Variants in ISM1 observed in about 807,000 individuals in gnomAD.
The protein encoded by ISM1 is isthmin 1.
A neutral mutation model predicts 46.3 loss-of-function variants in ISM1; 25 were observed. The ratio of observed to expected loss-of-function variants is 0.54; its 90% CI spans 0.39 to 0.75. The LOEUF (loss-of-function observed/expected upper bound fraction) is 0.75, where lower values mean the gene tolerates loss of function less well. Ranked by LOEUF, ISM1 falls within the 30% of genes least tolerant of loss-of-function variation. The pLI is 0.00. For synonymous variants in ISM1, 255 were observed against 256.7 expected (o/e 0.99, Z 0.06); for missense variants, 536 against 625.4 (o/e 0.86, Z 1.52).
chr20:13,232,433 T>C (rs1183396383), intron 1 of ISM1, among the ~76,000 whole-genome samples: 1 of 152,260 alleles, frequency 6.6e-6, no homozygotes, highest in East Asian at 1.9e-4. Context: ...GGCTTTTTGC[T>C]CATGTTGAGA....
At chr20:13,222,590 T>C (rs2039464182) in intron 1 of ISM1, among the ~76,000 whole-genome samples, 1 of 152,078 alleles carries the variant, frequency 6.6e-6, no homozygotes, top group Non-Finnish European at 1.5e-5. Context: ...GCTTTTAAAC[T>C]TGTAGCAAAG....
chr20:13,269,909 T>G (rs2040090834), intron 1 of ISM1, among the ~76,000 whole-genome samples: 1 of 149,438 alleles, frequency 6.7e-6, no homozygotes, highest in South Asian at 2.2e-4. Context: ...CATTTGATGA[T>G]TGGATGGATG....
the ISM1 span, among the ~76,000 whole-genome samples, chr20:13,321,723 C>T: frequency 9.2e-5 from 14 of 152,322 alleles, no homozygotes; most frequent in African/African-American, 1.4e-4. Context: ...CATATAAATA[C>T]ATAACTATTT....
chr20:13,275,873 G>T (rs566765832), intron 2 of ISM1, among the ~76,000 whole-genome samples: 1 of 152,264 alleles, frequency 6.6e-6, no homozygotes, highest in Admixed American at 6.5e-5. Flanking sequence ...TGTTTACCTC[G>T]GGACCTTGAA....
At chr20:13,318,729 A>G in the ISM1 span, among the ~76,000 whole-genome samples, 2 of 152,216 alleles carry the variant, frequency 1.3e-5, no homozygotes, top group Admixed American at 6.5e-5. Context: ...AGCCATGAGA[A>G]AATATTTTTT....
In ISM1 at chr20:13,288,673, A is replaced by G; in HGVS notation, c.777A>G (p.Pro259=). ...CAGAATCGAGGACCTGTGACCGTCC[A>G]AACTGCCCAGGTGCGTTTACCTGAG... The part of the protein sequence containing the change: ...TATESRTCDR[P]NCPGIEDTFR... Residue 259 remains proline (P), a synonymous_variant, in exon 4 of 6, where the codon CCA becomes CCG. Coordinates refer to ENST00000262487, the MANE Select transcript of ISM1 (RefSeq NM_080826.2). 2 of 1,613,788 alleles carry G rather than the reference A, an allele frequency of 1.2e-6. No homozygotes were observed. The highest frequency in any genetic ancestry group is 1.1e-5 in the South Asian group (1 of 91,072).
intron 2 of ISM1, among the ~76,000 whole-genome samples, chr20:13,275,307 G>T (rs2040166012): frequency 6.6e-6 from 1 of 152,158 alleles, no homozygotes; most frequent in African/African-American, 2.4e-5. Flanking sequence ...GTTGGCCAGG[G>T]TTACAGTTGT....
At chr20:13,260,824 G>T (rs2039980962) in intron 1 of ISM1, among the ~76,000 whole-genome samples, 1 of 152,120 alleles carries the variant, frequency 6.6e-6, no homozygotes, top group South Asian at 2.1e-4. Context: ...AAACCCGCAA[G>T]GATTTATTAT....
intron 3 of ISM1, among the ~76,000 whole-genome samples, chr20:13,287,974 G>A (rs2040311759): frequency 6.6e-6 from 1 of 152,202 alleles, no homozygotes; most frequent in African/African-American, 2.4e-5. Context: ...TAGAAGGCTT[G>A]AGAAGGCTTT....
intron 1 of ISM1, chr20:13,237,969 A>T (rs2039671293): frequency 6.6e-6 from 1 of 152,226 alleles, no homozygotes; most frequent in Admixed American, 6.5e-5. Context: ...GATGCGGTCC[A>T]TATGAAAAGA....
At chr20:13,247,407 A>C (rs563686894) in intron 1 of ISM1, among the ~76,000 whole-genome samples, 13 of 151,960 alleles carry the variant, frequency 8.6e-5, no homozygotes, top group Non-Finnish European at 1.6e-4. Flanking sequence ...CCATCTGATG[A>C]AGTTATCAGT....
chr20:13,271,995 G>C lies in ISM1; in HGVS notation c.378+1252G>C, dbSNP rs188984838. Among the ~76,000 whole-genome samples, 184 of 151,956 alleles carry C rather than the reference G, an allele frequency of 1.2e-3. 1 individual carries two copies. Among genetic ancestry groups the C allele is most frequent in the Non-Finnish European group, 1.3e-3 (87 of 67,960 alleles). ...GGTTTTGCCATATCGCTCAGGCTGG[G>C]CTCAAACTCCTGGGCTCAAGCGATC... On this transcript the variant is annotated intron_variant, in intron 2 of 5. Coordinates refer to ENST00000262487, the MANE Select transcript of ISM1 (RefSeq NM_080826.2).
At chr20:13,240,353 A>G (rs1473857813) in intron 1 of ISM1, among the ~76,000 whole-genome samples, 1 of 152,222 alleles carries the variant, frequency 6.6e-6, no homozygotes, top group East Asian at 1.9e-4. Flanking sequence ...GTTCCTACTA[A>G]AAGAGGGTGG....
intron 1 of ISM1, among the ~76,000 whole-genome samples, chr20:13,238,413 C>A (rs2039678156): frequency 6.6e-6 from 1 of 152,188 alleles, no homozygotes. Flanking sequence ...TACTCATTAA[C>A]TTATTTGGAG....
chr20:13,231,326 G>A (rs79352202), intron 1 of ISM1, among the ~76,000 whole-genome samples: 4,812 of 152,248 alleles, frequency 0.032, 261 homozygotes, highest in African/African-American at 0.11. Flanking sequence ...ATGCCCTCCC[G>A]GAGCAGTCAG....
intron 1 of ISM1, among the ~76,000 whole-genome samples, chr20:13,228,705 A>C (rs576624467): frequency 6.6e-6 from 1 of 152,180 alleles, no homozygotes; most frequent in South Asian, 2.1e-4. Flanking sequence ...AGCTTGAAAA[A>C]ATTTCTTTAG....
chr20:13,256,395 CA>C (rs559300861), intron 1 of ISM1, among the ~76,000 whole-genome samples: 1,716 of 71,796 alleles, frequency 0.024, 9 homozygotes, highest in African/African-American at 0.058. Context: ...GACCCCGTCT[CA>C]AAAAAAAAAA....
chr20:13,285,578 G>A (rs758960003), intron 3 of ISM1, among the ~76,000 whole-genome samples: 11 of 152,154 alleles, frequency 7.2e-5, no homozygotes, highest in South Asian at 2.1e-4. Flanking sequence ...GCAGCAAGAC[G>A]GAATGCACGG....
At chr20:13,224,059 G>A (rs964376982) in intron 1 of ISM1, among the ~76,000 whole-genome samples, 5 of 151,938 alleles carry the variant, frequency 3.3e-5, no homozygotes, top group African/African-American at 1.2e-4. Flanking sequence ...GCCCCAAGAG[G>A]ACACAACAAA....
Sources: allele counts gnomAD v4.1 joint callset (sites outside exome capture counted in the v4.1 genomes callset), GRCh38; gene constraint gnomAD v4.1.1; transcripts MANE v1.5; gene names NCBI Gene and HGNC (gene_info 2026-07-23, HGNC 2026-07-21).